SPATA7: variants seen among roughly 807,000 people sequenced by gnomAD.
SPATA7 encodes spermatogenesis-associated protein 7.
A neutral mutation model predicts 51.8 loss-of-function variants in SPATA7; 43 were observed. That is an observed-to-expected ratio of 0.83 (90% CI 0.65 to 1.07). The LOEUF (loss-of-function observed/expected upper bound fraction) is 1.07, where lower values mean the gene tolerates loss of function less well. SPATA7 is among the 50% of genes least tolerant of loss of function. The pLI, the probability that SPATA7 is intolerant of heterozygous loss-of-function variation, is 0.00. For missense variants in SPATA7, 683 were observed against 701.3 expected, an observed-to-expected ratio of 0.97 and a Z score of 0.30; for synonymous variants, 230 against 252.8, an observed-to-expected ratio of 0.91 and a Z score of 0.86.
chr14:88,437,257 C>T (rs1335433302), intron 10 of SPATA7, among the ~76,000 whole-genome samples: 6 of 150,944 alleles, frequency 4.0e-5, no homozygotes, highest in Admixed American at 1.3e-4. Flanking sequence ...TGGGTGTTTG[C>T]ATATGTCTGT....
At chr14:88,399,294 G>A (rs2075991053) in intron 4 of SPATA7, among the ~76,000 whole-genome samples, 1 of 152,066 alleles carries the variant, frequency 6.6e-6, no homozygotes, top group African/African-American at 2.4e-5. Flanking sequence ...CTCAGGCCTT[G>A]TGCTTGACAC....
At chr14:88,455,742 T>C (rs979429556), downstream of SPATA7, among the ~76,000 whole-genome samples, 3 of 152,206 alleles carry the variant, frequency 2.0e-5, no homozygotes, top group African/African-American at 7.2e-5. Context: ...CATTTTTTAT[T>C]ATACTTTAAG....
rs1384164902 is a variant in SPATA7 at position 88,401,396 on chromosome 14, T to A, written c.238+5193T>A. 2.0e-5 allele frequency among the ~76,000 whole-genome samples: 3 copies of A among 152,192 alleles called. No homozygotes were observed. The East Asian group carries it at 5.8e-4, about 29-fold the overall frequency. ...GAAAATCTCACAGGTAACATGATGC[T>A]TAATGAAGAAAAACAAAGCTTTTCC... On this transcript the variant is annotated intron_variant, in intron 4 of 11. Coordinates refer to ENST00000393545, the MANE Select transcript of SPATA7 (RefSeq NM_018418.5).
At chr14:88,385,930 C>G in intron 1 of SPATA7, 93 bp downstream of exon 1, 1 of 1,395,866 alleles carries the variant, frequency 7.2e-7, no homozygotes, top group South Asian at 1.3e-5. Context: ...TGCAAGGCCG[C>G]CCCTTGGGGC....
At chr14:88,414,209 G>A (rs1451245070) in intron 4 of SPATA7, among the ~76,000 whole-genome samples, 2 of 151,830 alleles carry the variant, frequency 1.3e-5, no homozygotes, top group African/African-American at 4.8e-5. Context: ...TGGTTGGTAG[G>A]TTTTTTTTAT....
At chr14:88,461,431 G>T (rs997437654) in intron 4 of SPATA7, among the ~76,000 whole-genome samples, 1 of 152,092 alleles carries the variant, frequency 6.6e-6, no homozygotes, top group Non-Finnish European at 1.5e-5. Context: ...CCCCAGCCTC[G>T]CTGCCATCTT....
Position 88,438,345 on chromosome 14 carries a change from G to T in SPATA7, c.1723G>T (p.Asp575Tyr), listed in dbSNP as rs551066420. ...TGTTCAGTTCTCCAGTGTCAAAGGCGACAATAATCATGACATGGAGTTATC... is the reference window on the plus strand; with the variant it reads ...TGTTCAGTTCTCCAGTGTCAAAGGCTACAATAATCATGACATGGAGTTATC... ...QSVQFSSVKG[D>Y]NNHDMELSTL... is the part of the protein sequence containing the mutation. The change falls in exon 12 of 12, where the codon GAC becomes TAC. Residue 575 changes from aspartate to tyrosine, a missense_variant. Asp to Tyr is a radical substitution (Grantham distance 160). Coordinates refer to ENST00000393545, the MANE Select transcript of SPATA7 (RefSeq NM_018418.5). 2 of 1,613,998 alleles carry T rather than the reference G, an allele frequency of 1.2e-6. No individual in the cohort carries two copies. The highest frequency in any genetic ancestry group is 8.5e-7 in the Non-Finnish European group (1 of 1,179,938).
chr14:88,453,997 C>T (rs750018675), intron 3 of SPATA7, among the ~76,000 whole-genome samples: 2 of 152,214 alleles, frequency 1.3e-5, no homozygotes, highest in African/African-American at 2.4e-5. Flanking sequence ...CAGTTTGGGA[C>T]ATGAGGCCTC....
At chr14:88,430,015 A>C (rs961917972) in intron 8 of SPATA7, among the ~76,000 whole-genome samples, 2 of 151,874 alleles carry the variant, frequency 1.3e-5, no homozygotes, top group Non-Finnish European at 1.5e-5. Flanking sequence ...ACTACTCATC[A>C]TGTTGAGTAA....
intron 4 of SPATA7, among the ~76,000 whole-genome samples, chr14:88,402,926 C>T (rs548275121): frequency 1.6e-5 from 2 of 125,582 alleles, no homozygotes; most frequent in East Asian, 5.1e-4. Flanking sequence ...GGTTAATATC[C>T]CAACTGTGTA....
At chr14:88,409,882 C>T (rs1049487470) in intron 4 of SPATA7, among the ~76,000 whole-genome samples, 2 of 152,142 alleles carry the variant, frequency 1.3e-5, no homozygotes, top group African/African-American at 4.8e-5. Context: ...TGTTCAGTTT[C>T]CATGTAGTTG....
intron 3 of SPATA7, among the ~76,000 whole-genome samples, chr14:88,446,043 A>G (rs1331401955): frequency 6.6e-6 from 1 of 152,188 alleles, no homozygotes; most frequent in Non-Finnish European, 1.5e-5. Flanking sequence ...ATGGATTGGA[A>G]TAGTTTCAGA....
At chr14:88,415,513 T>G (rs1411642968) in intron 4 of SPATA7, among the ~76,000 whole-genome samples, 1 of 149,438 alleles carries the variant, frequency 6.7e-6, no homozygotes, top group Non-Finnish European at 1.5e-5. Context: ...AAATAAAATA[T>G]TATTTTATTT....
At chr14:88,428,011 T>C (rs2076842318) in intron 7 of SPATA7, 1 of 216,442 alleles carries the variant, frequency 4.6e-6, no homozygotes, top group African/African-American at 2.3e-5. Context: ...CAGACCTGGA[T>C]TACTAGAGGA....
chr14:88,436,191 C>T (rs1335209668), intron 10 of SPATA7, among the ~76,000 whole-genome samples: 1 of 152,074 alleles, frequency 6.6e-6, no homozygotes, highest in Non-Finnish European at 1.5e-5. Context: ...TTTCATATTC[C>T]TGTCTACAAT....
chr14:88,426,636 T>C lies in SPATA7; in HGVS notation c.777T>C (p.Tyr259=), dbSNP rs754716338. The change falls in exon 6 of 12, where the codon TAT becomes TAC. Residue 259 remains tyrosine, a synonymous_variant. Transcript: ENST00000393545. ...CTTTCCTGTCACAGTATCGCTATTA[T>C]ACACCTGCCAAAAGAAAAAAGGATT... ...AKSFLSQYRY[Y]TPAKRKKDFT... 1.9e-6 allele frequency: 3 copies of C among 1,614,072 alleles called. No individual in the cohort carries two copies. The highest frequency in any genetic ancestry group is 2.5e-6 in the Non-Finnish European group (3 of 1,180,028).
chr14:88,438,757 A>G (rs1214736635), downstream of SPATA7, among the ~76,000 whole-genome samples: 1 of 152,234 alleles, frequency 6.6e-6, no homozygotes, highest in Non-Finnish European at 1.5e-5. Context: ...CTTGCTGACC[A>G]GTGGCTAGAG....
chr14:88,389,795 C>T (rs2075690290), intron 1 of SPATA7, among the ~76,000 whole-genome samples: 1 of 152,150 alleles, frequency 6.6e-6, no homozygotes. Context: ...CTCTTTTCAT[C>T]CTTTCACACT....
intron 4 of SPATA7, chr14:88,414,782 T>C: frequency 3.5e-6 from 1 of 287,652 alleles, no homozygotes; most frequent in African/African-American, 2.3e-5. Flanking sequence ...TTTTGTTTTT[T>C]TTTAATTTCA....
Sources: allele counts gnomAD v4.1 joint callset (sites outside exome capture counted in the v4.1 genomes callset), GRCh38; gene constraint gnomAD v4.1.1; transcripts MANE v1.5; gene names NCBI Gene and HGNC (gene_info 2026-07-23, HGNC 2026-07-21).